PRIM2: variants seen among roughly 807,000 people sequenced by gnomAD.
PRIM2 encodes the protein DNA primase subunit 2, also known as DNA primase large subunit.
Under a neutral mutation model 67.3 loss-of-function variants are expected in PRIM2, and 39 were observed. The observed-to-expected ratio is 0.58, with a 90% CI of 0.45 to 0.76. The LOEUF (loss-of-function observed/expected upper bound fraction) is 0.76. PRIM2 is among the 30% of genes least tolerant of loss of function. The probability of loss-of-function intolerance (pLI) is 0.00; values close to 1 mark genes in which losing one functional copy is unlikely to be tolerated. For synonymous variants in PRIM2, 143 were observed against 198.7 expected (o/e 0.72, Z 2.36); for missense variants, 398 against 598.7 (o/e 0.66, Z 3.50).
At chr6:57,518,889 A>G (rs1384038339) in intron 8 of PRIM2, among the ~76,000 whole-genome samples, 2 of 152,198 alleles carry the variant, frequency 1.3e-5, no homozygotes, top group Non-Finnish European at 2.9e-5. Context: ...ATGACTTATT[A>G]TCGGGGAACC....
the PRIM2 span, among the ~76,000 whole-genome samples, chr6:57,239,511 G>A: frequency 1.3e-5 from 2 of 152,130 alleles, no homozygotes; most frequent in African/African-American, 4.8e-5. Flanking sequence ...AAGGGGGATG[G>A]ATCACTTGAG....
the PRIM2 span, among the ~76,000 whole-genome samples, chr6:57,226,309 G>T: frequency 4.6e-5 from 7 of 152,216 alleles, no homozygotes; most frequent in Non-Finnish European, 1.0e-4. Flanking sequence ...AGAACCAAGG[G>T]AAGGCCTTTC....
intron 3 of PRIM2, among the ~76,000 whole-genome samples, chr6:57,323,850 A>C (rs1002460387): frequency 3.3e-5 from 5 of 152,030 alleles, no homozygotes; most frequent in Non-Finnish European, 7.4e-5. Context: ...TAGTGCTTTG[A>C]GGGACTAGAG....
intron 12 of PRIM2, among the ~76,000 whole-genome samples, chr6:57,608,081 G>A (rs1342026951): frequency 6.6e-6 from 1 of 152,014 alleles, no homozygotes; most frequent in Non-Finnish European, 1.5e-5. Context: ...GAAGAGGTAG[G>A]GAGTCAAAAG....
rs1463339471 is a variant in PRIM2 at position 57,484,459 on chromosome 6, A to G, written c.694-22928A>G. On this transcript the variant is annotated intron_variant, in intron 7 of 13. Transcript: ENST00000615550. ...GTTTGCTTGGACTGAGAAGAAACTC[A>G]TGTGGTTTCTTGTCACACTCAGAGT... Among the ~76,000 whole-genome samples, 637 of 152,294 alleles carry G rather than the reference A, an allele frequency of 4.2e-3. 1 individual carries two copies. Among genetic ancestry groups the G allele is most frequent in the African/African-American group, 0.013 (553 of 41,574 alleles).
intron 12 of PRIM2, among the ~76,000 whole-genome samples, chr6:57,629,025 T>C (rs1351669636): frequency 6.6e-6 from 1 of 152,184 alleles, no homozygotes. Flanking sequence ...ACCTGATTTT[T>C]AGTTTGTATT....
the PRIM2 span, among the ~76,000 whole-genome samples, chr6:57,298,517 G>A: frequency 6.6e-6 from 1 of 152,088 alleles, no homozygotes; most frequent in Non-Finnish European, 1.5e-5. Flanking sequence ...GGGGCCTTCG[G>A]GGGATGGCCC....
the PRIM2 span, among the ~76,000 whole-genome samples, chr6:57,308,695 T>C: frequency 6.6e-6 from 1 of 152,304 alleles, no homozygotes; most frequent in South Asian, 2.1e-4. Flanking sequence ...TTTGAAACTT[T>C]TGTCCATCTG....
chr6:57,330,325 T>C (rs1197115073), intron 5 of PRIM2, among the ~76,000 whole-genome samples: 1 of 151,224 alleles, frequency 6.6e-6, no homozygotes, highest in Non-Finnish European at 1.5e-5. Context: ...ATTGATCTTG[T>C]ATCCTGCAAC....
chr6:57,378,063 C>T (rs1179590705), intron 5 of PRIM2, among the ~76,000 whole-genome samples: 1 of 150,668 alleles, frequency 6.6e-6, no homozygotes, highest in Non-Finnish European at 1.5e-5. Context: ...TCTTCTTCTT[C>T]TTCTTTTTTT....
intron 7 of PRIM2, among the ~76,000 whole-genome samples, chr6:57,405,106 A>T (rs1285395051): frequency 6.6e-6 from 1 of 151,496 alleles, no homozygotes; most frequent in African/African-American, 2.4e-5. Flanking sequence ...ATGAGAAAGT[A>T]TCAGCAGATT....
chr6:57,534,371 G>A (rs1309084714), intron 9 of PRIM2, among the ~76,000 whole-genome samples: 2 of 152,056 alleles, frequency 1.3e-5, no homozygotes, highest in East Asian at 1.9e-4. Context: ...GTGTACTGGC[G>A]CTATTGTTGT....
chr6:57,368,968 G>A (rs1487655470), intron 5 of PRIM2, among the ~76,000 whole-genome samples: 1 of 152,126 alleles, frequency 6.6e-6, no homozygotes. Flanking sequence ...CAGTTGCTGC[G>A]GCAAAAGGAG....
chr6:57,543,072 T>C (rs1389912644), intron 10 of PRIM2, among the ~76,000 whole-genome samples: 2 of 148,292 alleles, frequency 1.3e-5, no homozygotes, highest in East Asian at 3.9e-4. Flanking sequence ...CCCGAGTAGC[T>C]GGGACTACAG....
the PRIM2 span, among the ~76,000 whole-genome samples, chr6:57,252,870 C>CGATG: frequency 6.6e-6 from 1 of 152,214 alleles, no homozygotes; most frequent in African/African-American, 2.4e-5. Flanking sequence ...CTCATCTCAT[C>CGATG]CTGTTGCCTT....
chr6:57,339,181 A>G (rs1389689484), intron 5 of PRIM2, among the ~76,000 whole-genome samples: 1 of 152,152 alleles, frequency 6.6e-6, no homozygotes, highest in East Asian at 1.9e-4. Context: ...GAGAACTACA[A>G]ACCACTGCTC....
At chr6:57,380,058 A>G (rs1769904114) in intron 6 of PRIM2, 62 bp downstream of exon 6, 8 of 1,366,196 alleles carry the variant, frequency 5.9e-6, no homozygotes, top group Non-Finnish European at 8.0e-6. Flanking sequence ...AGCTTTATAT[A>G]CATATTTAAT....
chr6:57,406,591 A>G (rs1406235210), intron 7 of PRIM2, among the ~76,000 whole-genome samples: 3 of 152,156 alleles, frequency 2.0e-5, no homozygotes, highest in Non-Finnish European at 4.4e-5. Flanking sequence ...GTAAGTTCAA[A>G]TAAAAAATAA....
chr6:57,552,755 C>T (rs1775429112), intron 10 of PRIM2, among the ~76,000 whole-genome samples: 1 of 152,042 alleles, frequency 6.6e-6, no homozygotes, highest in African/African-American at 2.4e-5. Context: ...GTATGCCATC[C>T]TTACCCTTTG....
Sources: gnomAD v4.1 joint callset for allele counts (sites outside exome capture counted in the v4.1 genomes callset) on GRCh38, gnomAD v4.1.1 for gene constraint, MANE v1.5 for transcripts, NCBI Gene and HGNC (gene_info 2026-07-23, HGNC 2026-07-21) for gene names.